The following FRMD3 variants were observed in gnomAD, a reference collection of about 807,000 sequenced individuals.
FRMD3 encodes the protein FERM domain containing 3.
In FRMD3, 33 loss-of-function variants were observed where a neutral mutation model predicts 70.2. The observed-to-expected ratio is 0.47, with a 90% CI of 0.36 to 0.63. The LOEUF (loss-of-function observed/expected upper bound fraction) is 0.63. Ranked by LOEUF, FRMD3 falls within the 20% of genes least tolerant of loss-of-function variation. FRMD3 has a pLI of 0.00. For synonymous variants in FRMD3, 279 were observed against 255.9 expected (o/e 1.09, Z -0.86); for missense variants, 632 against 711.4 (o/e 0.89, Z 1.27).
intron 6 of FRMD3, among the ~76,000 whole-genome samples, chr9:83,329,480 T>G (rs943097065): frequency 3.3e-5 from 5 of 152,246 alleles, no homozygotes; most frequent in Non-Finnish European, 5.9e-5. Context: ...TTGTGATCTA[T>G]TCATCAGAAG....
chr9:83,554,821 G>A, the FRMD3 span, among the ~76,000 whole-genome samples: 12 of 152,166 alleles, frequency 7.9e-5, no homozygotes, highest in Non-Finnish European at 1.3e-4. Flanking sequence ...GCCTGGTGAG[G>A]AGATATGGGA....
At chr9:83,551,198 T>G in the FRMD3 span, among the ~76,000 whole-genome samples, 1 of 152,218 alleles carries the variant, frequency 6.6e-6, no homozygotes, top group Non-Finnish European at 1.5e-5. Context: ...AATGCTGAAT[T>G]TTATCAAAAG....
intron 1 of FRMD3, among the ~76,000 whole-genome samples, chr9:83,452,374 C>T (rs562896990): frequency 6.6e-5 from 10 of 151,804 alleles, no homozygotes; most frequent in South Asian, 6.2e-4. Flanking sequence ...CATCACCTGA[C>T]GTAAAAAAGA....
At chr9:83,501,187 G>C (rs940541309) in intron 1 of FRMD3, among the ~76,000 whole-genome samples, 1 of 152,072 alleles carries the variant, frequency 6.6e-6, no homozygotes, top group South Asian at 2.1e-4. Context: ...CCAGCTACTC[G>C]GGAGGCTGAG....
chr9:83,558,820 C>A, the FRMD3 span, among the ~76,000 whole-genome samples: 1 of 152,288 alleles, frequency 6.6e-6, no homozygotes, highest in Admixed American at 6.5e-5. Flanking sequence ...ACATGGATGA[C>A]TTTGAGGAGT....
At chr9:83,492,034 T>A (rs1009140292) in intron 1 of FRMD3, among the ~76,000 whole-genome samples, 6 of 152,290 alleles carry the variant, frequency 3.9e-5, no homozygotes, top group Admixed American at 3.9e-4. Flanking sequence ...AAATATACAA[T>A]CTAATTTTGA....
chr9:83,551,556 C>A, the FRMD3 span, among the ~76,000 whole-genome samples: 2 of 151,994 alleles, frequency 1.3e-5, no homozygotes, highest in East Asian at 3.9e-4. Flanking sequence ...AATGGTACCA[C>A]CTCTTCTTTG....
the FRMD3 span, among the ~76,000 whole-genome samples, chr9:83,574,483 A>G: frequency 1.3e-5 from 2 of 152,196 alleles, no homozygotes; most frequent in African/African-American, 4.8e-5. Flanking sequence ...ATAGTACTCC[A>G]TGACACAAAT....
At chr9:83,489,993 T>C (rs913625686) in intron 1 of FRMD3, among the ~76,000 whole-genome samples, 3 of 152,222 alleles carry the variant, frequency 2.0e-5, no homozygotes, top group South Asian at 4.1e-4. Context: ...AAATGTGATG[T>C]GTGTTTCCTG....
rs1182632205 is a variant in FRMD3, at chr9:83,537,638, G to A, written c.147+447C>T. Among the ~76,000 whole-genome samples, 2 of 152,204 alleles carry A rather than the reference G, an allele frequency of 1.3e-5. No individual in the cohort carries two copies. Among genetic ancestry groups the A allele is most frequent in the Non-Finnish European group, 2.9e-5 (2 of 68,030 alleles). On this transcript the variant is annotated intron_variant, in intron 1 of 13. Coordinates refer to ENST00000304195, the MANE Select transcript of FRMD3 (RefSeq NM_174938.6). This position sits in a 1 kb window ranked among gnomAD's most constrained non-coding sequence, Gnocchi z 4.1. Reference sequence around the variant, plus strand: ...AGGGCGTCTCCGGAGCCTGGGCGCGGGAGACAGAAATGAGTGAACCCAGCT... The same window carrying A: ...AGGGCGTCTCCGGAGCCTGGGCGCGAGAGACAGAAATGAGTGAACCCAGCT...
At chr9:83,372,867 C>G in intron 3 of FRMD3, 46 bp downstream of exon 3, 1 of 1,532,872 alleles carries the variant, frequency 6.5e-7, no homozygotes, top group East Asian at 2.2e-5. Flanking sequence ...CAGTATCTAT[C>G]TTTGGACACA....
intron 5 of FRMD3, among the ~76,000 whole-genome samples, chr9:83,342,707 G>GATAGATAGATAGATAGATAGAT (rs1823808793): frequency 6.9e-6 from 1 of 145,058 alleles, no homozygotes; most frequent in Non-Finnish European, 1.5e-5. Context: ...TAGATAGATA[G>GATAGATAGATAGATAGATAGAT]ATAGATAGAT....
In FRMD3 at chr9:83,363,622, T is replaced by C. The variant is rs540164745; in HGVS notation, c.295+9291A>G. 8.1e-3 allele frequency among the ~76,000 whole-genome samples: 1,214 copies of C among 149,920 alleles called. 10 individuals carry two copies. Among genetic ancestry groups the C allele is most frequent in the Middle Eastern group, 0.037 (11 of 294 alleles). On this transcript the variant is annotated intron_variant, in intron 3 of 13. Transcript: ENST00000304195. Reference sequence around the variant, plus strand: ...AGGCTGGAGTGCAGTGGCGCGATCTTGGCTCACTGCAGGCTCCGCCCCCCG... The same window carrying C: ...AGGCTGGAGTGCAGTGGCGCGATCTCGGCTCACTGCAGGCTCCGCCCCCCG...
chr9:83,447,462 A>C (rs1827512953), intron 1 of FRMD3, among the ~76,000 whole-genome samples: 1 of 152,186 alleles, frequency 6.6e-6, no homozygotes, highest in African/African-American at 2.4e-5. Context: ...CCTCGATGAG[A>C]CACAATAGGC....
chr9:83,263,758 T>C (rs1833098723), intron 13 of FRMD3, among the ~76,000 whole-genome samples: 1 of 152,196 alleles, frequency 6.6e-6, no homozygotes, highest in Admixed American at 6.6e-5. Context: ...GGTGGTTTAC[T>C]GCATACAGAA....
chr9:83,492,192 T>G (rs1288029364), intron 1 of FRMD3, among the ~76,000 whole-genome samples: 1 of 152,160 alleles, frequency 6.6e-6, no homozygotes, highest in Non-Finnish European at 1.5e-5. Flanking sequence ...AGAGGATGAT[T>G]TGATGAAAGC....
At chr9:83,417,472 T>C (rs376539493) in intron 1 of FRMD3, among the ~76,000 whole-genome samples, 17 of 152,238 alleles carry the variant, frequency 1.1e-4, no homozygotes, top group Admixed American at 8.5e-4. Flanking sequence ...TGATGACTCA[T>C]AGCTTGAAAA....
At chr9:83,284,073 T>A (rs1459436649) in intron 13 of FRMD3, among the ~76,000 whole-genome samples, 2 of 149,902 alleles carry the variant, frequency 1.3e-5, no homozygotes, top group African/African-American at 4.9e-5. Context: ...TTTTTTTTTT[T>A]TTTTTTTTTT....
chr9:83,322,799 G>A lies in FRMD3; in HGVS notation c.597-9052C>T, dbSNP rs188034471. On this transcript the variant is annotated intron_variant, in intron 6 of 13. Transcript: ENST00000304195. ...AGTTCCCAGCTGGGCAAGCTGCCTC[G>A]AACCCTCTCCTTACTTCAAGTGCTT... Among the ~76,000 whole-genome samples the A allele has an allele frequency of 5.7e-3, 866 of 152,226 alleles. 4 individuals are homozygous for A. The highest frequency in any genetic ancestry group is 9.6e-3 in the Non-Finnish European group (655 of 68,014).
Sources: allele counts gnomAD v4.1 joint callset (sites outside exome capture counted in the v4.1 genomes callset), GRCh38; gene constraint gnomAD v4.1.1; non-coding constraint Gnocchi (gnomAD v3.1); transcripts MANE v1.5; gene names NCBI Gene and HGNC (gene_info 2026-07-23, HGNC 2026-07-21).